The following FILIP1 variants were observed in gnomAD, a reference collection of about 807,000 sequenced individuals.
FILIP1 encodes filamin-A-interacting protein 1.
Under a neutral mutation model 102.1 loss-of-function variants are expected in FILIP1, and 61 were observed. The observed-to-expected ratio is 0.60, with a 90% CI of 0.49 to 0.74. FILIP1 has a LOEUF of 0.74. Among genes scored for constraint, FILIP1 ranks in the 30% least tolerant of loss-of-function variants. FILIP1 has a pLI of 0.00. For missense variants in FILIP1, 1,314 were observed against 1,441.2 expected (o/e 0.91, Z 1.43); for synonymous variants, 491 against 526.9 (o/e 0.93, Z 0.93).
At chr6:75,356,795 CTA>C (rs1775018455) in intron 3 of FILIP1, among the ~76,000 whole-genome samples, 2 of 152,120 alleles carry the variant, frequency 1.3e-5, no homozygotes, top group Admixed American at 6.5e-5. Flanking sequence ...AAGGGACAGT[CTA>C]TACATGAGGT....
chr6:75,292,283 A>G lies in FILIP1; in HGVS notation c.*3627T>C, dbSNP rs1193069010. The G allele has an allele frequency of 4.6e-5, 7 of 152,254 alleles. No homozygotes were observed. In the East Asian group the frequency reaches 1.3e-3, roughly 29 times the overall value. 9.4% of individuals were successfully genotyped at this position (152,254 alleles called of 1,614,324 possible). On this transcript the variant is annotated 3_prime_UTR_variant, in exon 7 of 7. Coordinates refer to the FILIP1 transcript ENST00000393004. Reference sequence around the variant, plus strand: ...AAAAGCTAACACTTGATAATTTTAAAACAAAATCTAGATTAAATAAATATA... The same window carrying G: ...AAAAGCTAACACTTGATAATTTTAAGACAAAATCTAGATTAAATAAATATA...
rs1450605661 is a variant in FILIP1, at chr6:75,393,500, A to T, written c.276+21197T>A. 2.6e-5 allele frequency among the ~76,000 whole-genome samples: 4 copies of T among 152,306 alleles called. No homozygotes were observed. The East Asian group carries it at 7.7e-4, about 29-fold the overall frequency. ...TTCAGAAAAAGCATAATGAGAAAGG[A>T]TTGGCCTTTCCACATGTAAAAACAT... is the stretch of plus-strand genomic sequence containing the variant. On this transcript the variant is annotated intron_variant, in intron 2 of 5. Transcript: ENST00000237172.
Position 75,313,360 on chromosome 6 carries a change from T to C in FILIP1, c.2472A>G (p.Ile824Met), listed in dbSNP as rs1303450111. The part of the protein sequence containing the change: ...AAEEETPAVF[I>M]RKSFQEENHI... ...GATTTTCTTCCTGGAAGGATTTCCG[T>C]ATGAATACAGCTGGCGTTTCTTCCT... is the stretch of plus-strand genomic sequence containing the variant. Residue 824 changes from isoleucine to methionine, a missense_variant, in exon 5 of 6, where the codon ATA becomes ATG. Around this residue, in one of 3 missense-constraint regions of FILIP1, gnomAD observed 816 missense variants for 913.1 expected, o/e 0.89. Coordinates refer to ENST00000237172, the MANE Select transcript of FILIP1 (RefSeq NM_015687.5). The surrounding 1 kb of genome is among the most constrained non-coding windows in gnomAD (Gnocchi z 4.2). 1.2e-6 allele frequency: 2 copies of C among 1,614,248 alleles called. No homozygotes were observed. Among genetic ancestry groups the C allele is most frequent in the South Asian group, 2.2e-5 (2 of 91,090 alleles).
At chr6:75,319,552 CG>C (rs1229276119) in intron 4 of FILIP1, 22 of 544,606 alleles carry the variant, frequency 4.0e-5, no homozygotes, top group South Asian at 2.7e-4. Flanking sequence ...ACTCTGAGGC[CG>C]GGCCCGGTGG....
intron 5 of FILIP1, among the ~76,000 whole-genome samples, chr6:75,311,513 T>C (rs893375906): frequency 2.6e-5 from 4 of 152,050 alleles, no homozygotes; most frequent in Non-Finnish European, 5.9e-5. Context: ...GCTTGTTTGT[T>C]TGAGATGGAG....
chr6:75,468,379 A>G (rs959118325), intron 1 of FILIP1, among the ~76,000 whole-genome samples: 1 of 152,220 alleles, frequency 6.6e-6, no homozygotes, highest in Non-Finnish European at 1.5e-5. Context: ...TCAGAAAAGG[A>G]CTTCAGAATA....
chr6:75,316,958 C>T (rs183756781), intron 4 of FILIP1, among the ~76,000 whole-genome samples: 7 of 152,324 alleles, frequency 4.6e-5, no homozygotes, highest in South Asian at 2.1e-4. Flanking sequence ...TTGCCCTTAA[C>T]TGGACTGTTA....
At chr6:75,426,368 C>G (rs904328294) in intron 1 of FILIP1, among the ~76,000 whole-genome samples, 12 of 152,112 alleles carry the variant, frequency 7.9e-5, no homozygotes, top group African/African-American at 2.4e-4. Flanking sequence ...CATTCTGTTT[C>G]ATGGGTAAAA....
At chr6:75,323,535 G>A (rs1773731879) in intron 4 of FILIP1, among the ~76,000 whole-genome samples, 2 of 152,188 alleles carry the variant, frequency 1.3e-5, no homozygotes, top group Admixed American at 1.3e-4. Flanking sequence ...GCACAGGTGG[G>A]GAAGGTAAAG....
intron 4 of FILIP1, among the ~76,000 whole-genome samples, chr6:75,327,339 G>A (rs185097063): frequency 4.6e-5 from 7 of 152,098 alleles, no homozygotes; most frequent in African/African-American, 1.7e-4. Flanking sequence ...CTGGATTATT[G>A]CAAGAGCCAC....
At chr6:75,350,030 A>C (rs577311988) in intron 4 of FILIP1, among the ~76,000 whole-genome samples, 101 of 152,162 alleles carry the variant, frequency 6.6e-4, no homozygotes, top group Non-Finnish European at 1.2e-3. Flanking sequence ...GGAACTCGGC[A>C]AGCAAGTCAC....
rs1773319257 is a variant in FILIP1, at chr6:75,313,948, C to T, written c.1884G>A (p.Lys628=). Residue 628 remains lysine, a synonymous_variant, in exon 5 of 6, where the codon AAG becomes AAA. Coordinates refer to ENST00000237172, the MANE Select transcript of FILIP1 (RefSeq NM_015687.5). This position sits in a 1 kb window ranked among gnomAD's most constrained non-coding sequence, Gnocchi z 4.2. ...CAATTTCAAGTGTTAGTTCCTTAAT[C>T]TTATTATCTTCCGGGCAGGTGAGCT... ...GSELTCPEDN[K]IKELTLEIER... The T allele has an allele frequency of 6.2e-7, 1 of 1,609,428 alleles. No individual in the cohort carries two copies. Among genetic ancestry groups the T allele is most frequent in the Admixed American group, 1.7e-5 (1 of 59,006 alleles).
At chr6:75,474,741 C>T (rs894532772) in intron 1 of FILIP1, among the ~76,000 whole-genome samples, 1 of 152,146 alleles carries the variant, frequency 6.6e-6, no homozygotes, top group African/African-American at 2.4e-5. Context: ...TGTGTCCCCA[C>T]TCGAATCTCA....
At chr6:75,318,917 T>TA (rs1239225265) in intron 4 of FILIP1, among the ~76,000 whole-genome samples, 1 of 152,168 alleles carries the variant, frequency 6.6e-6, no homozygotes, top group Non-Finnish European at 1.5e-5. Context: ...CTGTACAGTT[T>TA]AAAAAATCTT....
At chr6:75,385,820 CATT>C (rs2149648681) in intron 2 of FILIP1, 1 of 151,494 alleles carries the variant, frequency 6.6e-6, no homozygotes, top group Non-Finnish European at 1.5e-5. Flanking sequence ...ATCATGGTCC[CATT>C]ACTTGTAGCC....
intron 1 of FILIP1, among the ~76,000 whole-genome samples, chr6:75,492,498 T>C (rs915079663): frequency 2.0e-5 from 3 of 152,144 alleles, no homozygotes; most frequent in African/African-American, 4.8e-5. Flanking sequence ...AACCACCAGA[T>C]GTCAATACTA....
At chr6:75,463,161 C>T (rs1274686704) in intron 1 of FILIP1, among the ~76,000 whole-genome samples, 2 of 152,280 alleles carry the variant, frequency 1.3e-5, no homozygotes, top group African/African-American at 2.4e-5. Context: ...CATGTTCTGG[C>T]GTATGTGCGG....
At chr6:75,359,060 T>C (rs991829879) in intron 3 of FILIP1, among the ~76,000 whole-genome samples, 97 of 151,780 alleles carry the variant, frequency 6.4e-4, no homozygotes, top group African/African-American at 2.2e-3. Context: ...TGGAGTGCAG[T>C]GGCGCCATCT....
chr6:75,433,735 T>C (rs1777911261), intron 1 of FILIP1, among the ~76,000 whole-genome samples: 1 of 152,248 alleles, frequency 6.6e-6, no homozygotes, highest in Non-Finnish European at 1.5e-5. Context: ...GCCATTGCTT[T>C]TGGTGTTTTG....
Sources: allele counts gnomAD v4.1 joint callset (sites outside exome capture counted in the v4.1 genomes callset), GRCh38; gene constraint gnomAD v4.1.1; regional missense constraint gnomAD v4.1.1; non-coding constraint Gnocchi (gnomAD v3.1); transcripts MANE v1.5; gene names NCBI Gene and HGNC (gene_info 2026-07-23, HGNC 2026-07-21).